NAT14: variants seen among roughly 807,000 people sequenced by gnomAD.
The protein encoded by NAT14 is N-acetyltransferase 14 (putative).
A neutral mutation model predicts 12.1 loss-of-function variants in NAT14; 14 were observed. That is an observed-to-expected ratio of 1.16 (90% CI 0.76 to 1.81). The LOEUF (loss-of-function observed/expected upper bound fraction) is 1.81, where lower values mean the gene tolerates loss of function less well. Ranked by LOEUF, NAT14 falls within the 40% of genes most tolerant of loss-of-function variation. The pLI is 0.00. For missense variants in NAT14, 341 were observed against 304.3 expected, an observed-to-expected ratio of 1.12 and a Z score of -0.90; for synonymous variants, 156 against 145.1, an observed-to-expected ratio of 1.08 and a Z score of -0.54.
chr19:55,487,185 C>CTGG lies in NAT14; in HGVS notation c.*230_*232dup. On this transcript the variant is annotated 3_prime_UTR_variant, in exon 3 of 3. Coordinates refer to ENST00000205194, the MANE Select transcript of NAT14 (RefSeq NM_020378.4). Reference sequence around the variant, plus strand: ...AGAGTGGAATGACTCCTTTTCCTTCCTGGCCCTCGGGGGCCTCTCGAGGTC... The same window carrying CTGG: ...AGAGTGGAATGACTCCTTTTCCTTCCTGGTGGCCCTCGGGGGCCTCTCGAGGTC... The CTGG allele has an allele frequency of 1.5e-6, 1 of 649,808 alleles. No individual in the cohort carries two copies. Among genetic ancestry groups the CTGG allele is most frequent in the Non-Finnish European group, 2.4e-6 (1 of 415,540 alleles). 40.3% of individuals were successfully genotyped at this position (649,808 alleles called of 1,614,324 possible).
Position 55,486,920 on chromosome 19 carries a change from C to G in NAT14, c.585C>G (p.Gly195=). 1 of 1,562,618 alleles carries G rather than the reference C, an allele frequency of 6.4e-7. No homozygotes were observed. The highest frequency in any genetic ancestry group is 8.6e-7 in the Non-Finnish European group (1 of 1,161,940). The change falls in exon 3 of 3, where the codon GGC becomes GGG. Residue 195 remains glycine (G), a synonymous_variant. Transcript: ENST00000205194. ...CCGAGGGGGGCTGGGGCTGCCTGGG[C>G]TACACGCTGGTGAGGGAATTCAGCA... The part of the protein sequence containing the change: ...YQAEGGWGCL[G]YTLVREFSKD...
intron 1 of NAT14, 116 bp from the exon 2 acceptor site, chr19:55,485,545 C>A: frequency 1.7e-6 from 1 of 598,926 alleles, no homozygotes; most frequent in Middle Eastern, 4.5e-4. Context: ...CGCTTGGGGG[C>A]CCCGAGGGTT....
intron 1 of NAT14, 92 bp from the exon 2 acceptor site, chr19:55,485,569 T>G: frequency 1.5e-6 from 1 of 682,198 alleles, no homozygotes; most frequent in Non-Finnish European, 2.5e-6. Context: ...AGTGTCCTGA[T>G]CTGGGAAGTG....
Position 55,487,527 on chromosome 19 carries a change from C to CT in NAT14, c.*572dup, listed in dbSNP as rs1986965505. 1 of 394,114 alleles carries CT rather than the reference C, an allele frequency of 2.5e-6. No individual in the cohort carries two copies. Among genetic ancestry groups the CT allele is most frequent in the African/African-American group, 2.1e-5 (1 of 48,654 alleles). The allele number at this position is 394,114 out of a possible 1,614,324, so 24.4% of individuals were successfully genotyped here. A position where few individuals can be genotyped will look rare whatever the true frequency, so the allele number is the denominator to read the frequency against. On this transcript the variant is annotated 3_prime_UTR_variant, in exon 3 of 3. Transcript: ENST00000205194. ...GCCCTGTCCCTTCCTCCAGATCCGT[C>CT]TGGTTTTTTACACCGTTTGTTAATA... is the stretch of plus-strand genomic sequence containing the variant.
At chr19:55,485,995 C>T (rs1433565830) in intron 2 of NAT14, 1 of 603,808 alleles carries the variant, frequency 1.7e-6, no homozygotes, top group Non-Finnish European at 2.9e-6. Context: ...AGCACCAACG[C>T]CCTCCCTGGT....
Position 55,487,453 on chromosome 19 carries a change from G to A in NAT14, c.*497G>A. 2.5e-6 allele frequency: 1 copy of A among 398,444 alleles called. No individual in the cohort carries two copies. Among genetic ancestry groups the A allele is most frequent in the Non-Finnish European group, 4.4e-6 (1 of 226,154 alleles). The allele number at this position is 398,444 out of a possible 1,614,324, so 24.7% of individuals were successfully genotyped here. ...CTGCTTAGGAGGCGCGACGCACAGG[G>A]CTGCCAGGCCTGGCCCCTCTCTGGG... is the stretch of plus-strand genomic sequence containing the variant. On this transcript the variant is annotated 3_prime_UTR_variant, in exon 3 of 3. Transcript: ENST00000205194.
chr19:55,486,145 C>T (rs1986907352), intron 2 of NAT14: 2 of 574,228 alleles, frequency 3.5e-6, no homozygotes, highest in Admixed American at 3.2e-5. Context: ...GAGGCAACCT[C>T]CCTGTCCTTA....
Position 55,487,366 on chromosome 19 carries a change from G to A in NAT14, c.*410G>A, listed in dbSNP as rs185171219. The A allele has an allele frequency of 2.7e-4, 112 of 409,964 alleles. 1 individual carries two copies. In the East Asian group the frequency reaches 3.6e-3, roughly 13 times the overall value. 25.4% of individuals were successfully genotyped at this position (409,964 alleles called of 1,614,324 possible). On this transcript the variant is annotated 3_prime_UTR_variant, in exon 3 of 3. Transcript: ENST00000205194. ...AATACACCCCAGAGTTAGGGTTTGC[G>A]ACTCCGCCTCCCTGGGACCTGGATT... is the stretch of plus-strand genomic sequence containing the variant.
Position 55,487,239 on chromosome 19 carries a change from G to C in NAT14, c.*283G>C. 4.0e-6 allele frequency: 2 copies of C among 500,146 alleles called. No homozygotes were observed. Among genetic ancestry groups the C allele is most frequent in the Non-Finnish European group, 6.9e-6 (2 of 288,624 alleles). The allele number at this position is 500,146 out of a possible 1,614,324, so 31.0% of individuals were successfully genotyped here. On this transcript the variant is annotated 3_prime_UTR_variant, in exon 3 of 3. Coordinates refer to ENST00000205194, the MANE Select transcript of NAT14 (RefSeq NM_020378.4). Reference sequence around the variant, plus strand: ...CTCTCCAACCCCTACCTCAGCTCCTGTCTGCACTGAGAAACCTCCCCGGGT... The same window carrying C: ...CTCTCCAACCCCTACCTCAGCTCCTCTCTGCACTGAGAAACCTCCCCGGGT...
chr19:55,485,385 G>T (rs1351060597), intron 1 of NAT14, 127 bp downstream of exon 1: 2 of 327,076 alleles, frequency 6.1e-6, no homozygotes, highest in Non-Finnish European at 1.1e-5. Flanking sequence ...GTGGACCCCA[G>T]TGCCTGGGAG....
In NAT14 at chr19:55,486,549, C is replaced by T; in HGVS notation, c.214C>T (p.Leu72=). ...CCTGGCCCTCCTCCTGCCGGTGTTC[C>T]TGGCTGTGGCCGCCGTGAAGCTGGG... The part of the protein sequence containing the change: ...FALALLLPVF[L]AVAAVKLGLR... The change falls in exon 3 of 3, where the codon CTG becomes TTG. Residue 72 remains leucine, a synonymous_variant. Transcript: ENST00000205194. 1 of 1,588,400 alleles carries T rather than the reference C, an allele frequency of 6.3e-7. No homozygotes were observed. Among genetic ancestry groups the T allele is most frequent in the Non-Finnish European group, 8.5e-7 (1 of 1,174,986 alleles).
At position 55,487,375 on chromosome 19, in the gene NAT14, T is replaced by G. The variant is rs895621834; in HGVS notation, c.*419T>G. 56 of 409,078 alleles carry G rather than the reference T, an allele frequency of 1.4e-4. No homozygotes were observed. Among genetic ancestry groups the G allele is most frequent in the Non-Finnish European group, 3.0e-5 (7 of 232,580 alleles). The allele number at this position is 409,078 out of a possible 1,614,324, so 25.3% of individuals were successfully genotyped here. A position where few individuals can be genotyped will look rare whatever the true frequency, so the allele number is the denominator to read the frequency against. On this transcript the variant is annotated 3_prime_UTR_variant, in exon 3 of 3. Coordinates refer to ENST00000205194, the MANE Select transcript of NAT14 (RefSeq NM_020378.4). ...CAGAGTTAGGGTTTGCGACTCCGCC[T>G]CCCTGGGACCTGGATTGGGTCAGAT...
chr19:55,486,336 AG>A (rs1396959402), intron 2 of NAT14, 71 bp from the exon 3 acceptor site: 3 of 1,385,344 alleles, frequency 2.2e-6, no homozygotes, highest in Non-Finnish European at 2.8e-6. Context: ...CGCCCCGGGC[AG>A]GGTCTACCTC....
chr19:55,486,902 G>T lies in NAT14; in HGVS notation c.567G>T (p.Gly189=). ...AGGGCTGTGGCTACCAGGCCGAGGG[G>T]GGCTGGGGCTGCCTGGGCTACACGC... ...MLEGCGYQAE[G]GWGCLGYTLV... The change falls in exon 3 of 3, where the codon GGG becomes GGT. Residue 189 remains glycine, a synonymous_variant. Transcript: ENST00000205194. The T allele has an allele frequency of 6.4e-7, 1 of 1,557,702 alleles. No individual in the cohort carries two copies. Among genetic ancestry groups the T allele is most frequent in the African/African-American group, 1.4e-5 (1 of 73,934 alleles).
chr19:55,486,549 C>A lies in NAT14; in HGVS notation c.214C>A (p.Leu72Met), dbSNP rs762967858. 6.3e-7 allele frequency: 1 copy of A among 1,588,400 alleles called. No individual in the cohort carries two copies. The highest frequency in any genetic ancestry group is 1.1e-5 in the South Asian group (1 of 89,136). The change falls in exon 3 of 3, where the codon CTG becomes ATG. Residue 72 changes from leucine (L) to methionine (M), a missense_variant. Coordinates refer to ENST00000205194, the MANE Select transcript of NAT14 (RefSeq NM_020378.4). The stretch of plus-strand genomic sequence containing the variant: ...CCTGGCCCTCCTCCTGCCGGTGTTC[C>A]TGGCTGTGGCCGCCGTGAAGCTGGG... ...FALALLLPVF[L>M]AVAAVKLGLR...
Position 55,486,974 on chromosome 19 carries a change from C to A in NAT14, c.*18C>A. The A allele has an allele frequency of 6.5e-7, 1 of 1,537,724 alleles. No homozygotes were observed. Among genetic ancestry groups the A allele is most frequent in the Admixed American group, 1.9e-5 (1 of 51,754 alleles). Reference sequence around the variant, plus strand: ...ACCTGTGAAGCTACAGACTGACAGCCAGGGCAGGGGAGGAGGGAGGGGCGC... The same window carrying A: ...ACCTGTGAAGCTACAGACTGACAGCAAGGGCAGGGGAGGAGGGAGGGGCGC... On this transcript the variant is annotated 3_prime_UTR_variant, in exon 3 of 3. Coordinates refer to ENST00000205194, the MANE Select transcript of NAT14 (RefSeq NM_020378.4).
rs781493413 is a variant in NAT14, at chr19:55,486,495, G to A, written c.160G>A (p.Gly54Ser). ...GCTCCTCCTGGCGGCGGCCAGCAGCGGCCTGCGCTTTGTCCTGGCTTCCTT... is the reference window on the plus strand; with the variant it reads ...GCTCCTCCTGGCGGCGGCCAGCAGCAGCCTGCGCTTTGTCCTGGCTTCCTT... ...ALLLLAAASS[G>S]LRFVLASFAL... The change falls in exon 3 of 3, where the codon GGC (glycine) becomes AGC (serine). Residue 54 changes from glycine (G) to serine (S), a missense_variant. Gly to Ser is a moderately conservative substitution (Grantham distance 56). Coordinates refer to ENST00000205194, the MANE Select transcript of NAT14 (RefSeq NM_020378.4). The A allele has an allele frequency of 2.2e-5, 34 of 1,574,710 alleles. No individual in the cohort carries two copies. The Middle Eastern group carries it at 5.0e-4, about 23-fold the overall frequency.
rs1986933676 is a variant in NAT14 at position 55,486,782 on chromosome 19, C to CCGGGCT, written c.453_458dup (p.Arg152_Ala153dup). ...GGAGGCTGCTGGCCTTCGCGGAGGC[C>CCGGGCT]CGGGCTCGGGCCTGGGCTGGGGGCA... is the stretch of plus-strand genomic sequence containing the variant. On this transcript the variant is annotated inframe_insertion, in exon 3 of 3. Transcript: ENST00000205194. The CCGGGCT allele has an allele frequency of 1.4e-6, 2 of 1,429,814 alleles. No homozygotes were observed. The highest frequency in any genetic ancestry group is 1.8e-6 in the Non-Finnish European group (2 of 1,103,100). 88.6% of individuals were successfully genotyped at this position (1,429,814 alleles called of 1,614,324 possible). A position where few individuals can be genotyped will look rare whatever the true frequency, so the allele number is the denominator to read the frequency against.
rs770637533 is a variant in NAT14, at chr19:55,486,534, C to T, written c.199C>T (p.Leu67Phe). The change falls in exon 3 of 3, where the codon CTC becomes TTC. Residue 67 changes from leucine (L) to phenylalanine (F), a missense_variant. By Grantham distance (22) the Leu-to-Phe change is conservative (BLOSUM62 0). Coordinates refer to ENST00000205194, the MANE Select transcript of NAT14 (RefSeq NM_020378.4). ...CCTGGCTTCCTTCGCCCTGGCCCTCCTCCTGCCGGTGTTCCTGGCTGTGGC... is the reference window on the plus strand; with the variant it reads ...CCTGGCTTCCTTCGCCCTGGCCCTCTTCCTGCCGGTGTTCCTGGCTGTGGC... ...FVLASFALAL[L>F]LPVFLAVAAV... 6.3e-7 allele frequency: 1 copy of T among 1,589,144 alleles called. No homozygotes were observed. The highest frequency in any genetic ancestry group is 8.5e-7 in the Non-Finnish European group (1 of 1,174,940).
Sources: gnomAD v4.1 joint callset for allele counts on GRCh38, gnomAD v4.1.1 for gene constraint, MANE v1.5 for transcripts, NCBI Gene and HGNC (gene_info 2026-07-23, HGNC 2026-07-21) for gene names.